PLD1: variants seen among roughly 807,000 people sequenced by gnomAD.
The protein encoded by PLD1 is choline phosphatase 1.
PLD1 carries 112 observed loss-of-function variants against 137.1 expected under a neutral mutation model. The ratio of observed to expected loss-of-function variants is 0.82; its 90% confidence interval spans 0.70 to 0.96. The LOEUF (loss-of-function observed/expected upper bound fraction) is 0.96. Ranked by LOEUF, PLD1 falls within the 40% of genes least tolerant of loss-of-function variation. The pLI, the probability that PLD1 is intolerant of heterozygous loss-of-function variation, is 0.00. For synonymous variants in PLD1, 431 were observed against 454.7 expected, an observed-to-expected ratio of 0.95 and a Z score of 0.66; for missense variants, 1,321 against 1,342.0, an observed-to-expected ratio of 0.98 and a Z score of 0.24.
At chr3:171,656,156 T>TTTTTTTTTTTATTTATTTATTTATTTA (rs1553810398) in intron 21 of PLD1, among the ~76,000 whole-genome samples, 95 of 145,428 alleles carry the variant, frequency 6.5e-4, no homozygotes, top group Non-Finnish European at 1.2e-3. Context: ...AATACTATAA[T>TTTTTTTTTTTATTTATTTATTTATTTA]TTTATTTATT....
At position 171,756,413 on chromosome 3, in the gene PLD1, A is replaced by G. The variant is rs779330389; in HGVS notation, c.-31-18331T>C. Among the ~76,000 whole-genome samples, 41 of 152,234 alleles carry G rather than the reference A, an allele frequency of 2.7e-4. 1 individual carries two copies. Among genetic ancestry groups the G allele is most frequent in the Non-Finnish European group, 1.5e-5 (1 of 68,044 alleles). ...CTCTATAAAGTTGCTACAGGGAACA[A>G]TGATTTCCAGATGAGTTTCAGCTGT... On this transcript the variant is annotated intron_variant, in intron 1 of 26. Transcript: ENST00000351298.
At chr3:171,674,996 A>AAAG (rs1553816281) in intron 18 of PLD1, among the ~76,000 whole-genome samples, 17 of 149,630 alleles carry the variant, frequency 1.1e-4, no homozygotes, top group African/African-American at 4.0e-4. Flanking sequence ...AAAAAAAAAA[A>AAAG]AAAGAAAAAG....
chr3:171,743,625 G>T (rs1018078450), intron 1 of PLD1, among the ~76,000 whole-genome samples: 1 of 152,136 alleles, frequency 6.6e-6, no homozygotes, highest in Admixed American at 6.5e-5. Flanking sequence ...GGCATCCTTT[G>T]CAACTTTGAT....
chr3:171,755,301 C>A (rs978346468), intron 1 of PLD1, among the ~76,000 whole-genome samples: 2 of 152,038 alleles, frequency 1.3e-5, no homozygotes, highest in African/African-American at 4.8e-5. Flanking sequence ...CTGCCACTGG[C>A]CTCCATTTGT....
At chr3:171,768,634 T>C (rs1722140413) in intron 1 of PLD1, among the ~76,000 whole-genome samples, 3 of 152,234 alleles carry the variant, frequency 2.0e-5, no homozygotes, top group Admixed American at 2.0e-4. Flanking sequence ...AGAGTCCTGA[T>C]CTTCTACTGC....
chr3:171,756,084 T>G (rs1721008177), intron 1 of PLD1, among the ~76,000 whole-genome samples: 1 of 152,170 alleles, frequency 6.6e-6, no homozygotes, highest in African/African-American at 2.4e-5. Context: ...ATCTGACCAC[T>G]GTATTTTAAC....
At chr3:171,736,350 A>T (rs1719358545) in intron 3 of PLD1, among the ~76,000 whole-genome samples, 1 of 152,222 alleles carries the variant, frequency 6.6e-6, no homozygotes, top group Non-Finnish European at 1.5e-5. Flanking sequence ...TAAGTCACTC[A>T]TTCAAGATCA....
At chr3:171,727,453 C>T (rs1246819831) in intron 6 of PLD1, among the ~76,000 whole-genome samples, 1 of 152,174 alleles carries the variant, frequency 6.6e-6, no homozygotes, top group East Asian at 1.9e-4. Context: ...ATCAACATTA[C>T]ATAATGTTTA....
intron 23 of PLD1, among the ~76,000 whole-genome samples, chr3:171,636,160 G>A (rs1735117455): frequency 6.6e-6 from 1 of 151,752 alleles, no homozygotes; most frequent in Non-Finnish European, 1.5e-5. Flanking sequence ...CTAACTTTAT[G>A]TCAGTAGCAC....
At chr3:171,620,047 T>G (rs1733457805) in intron 24 of PLD1, among the ~76,000 whole-genome samples, 1 of 152,248 alleles carries the variant, frequency 6.6e-6, no homozygotes, top group Non-Finnish European at 1.5e-5. Context: ...GTACCTCTGA[T>G]TCTTCACAGA....
chr3:171,668,945 C>T (rs1352796239), intron 19 of PLD1, among the ~76,000 whole-genome samples: 1 of 152,188 alleles, frequency 6.6e-6, no homozygotes, highest in South Asian at 2.1e-4. Flanking sequence ...CTCCCACTTC[C>T]TCCTGCTACC....
At chr3:171,752,756 G>A (rs1196522358) in intron 1 of PLD1, among the ~76,000 whole-genome samples, 2 of 152,228 alleles carry the variant, frequency 1.3e-5, no homozygotes, top group Non-Finnish European at 2.9e-5. Context: ...GTGTGTATGT[G>A]TCTTAGAAAG....
At chr3:171,697,463 C>T (rs990090060) in intron 12 of PLD1, among the ~76,000 whole-genome samples, 3 of 151,772 alleles carry the variant, frequency 2.0e-5, no homozygotes, top group Non-Finnish European at 4.4e-5. Flanking sequence ...TTTGATCAGA[C>T]CACCCCTGCT....
intron 8 of PLD1, among the ~76,000 whole-genome samples, chr3:171,722,929 G>C (rs576396941): frequency 6.6e-6 from 1 of 152,148 alleles, no homozygotes; most frequent in Admixed American, 6.5e-5. Context: ...TTTGATACAA[G>C]CATATAATGT....
chr3:171,762,455 C>T (rs1385248958), intron 1 of PLD1, among the ~76,000 whole-genome samples: 1 of 152,178 alleles, frequency 6.6e-6, no homozygotes, highest in African/African-American at 2.4e-5. Context: ...GGAACACAAG[C>T]TAAACAGAGC....
Position 171,659,312 on chromosome 3 carries a change from TAAAC to T in PLD1, c.2341-15_2341-12del, listed in dbSNP as rs1044178739. On this transcript the variant is annotated splice_polypyrimidine_tract_variant and intron_variant, in intron 20 of 26. Transcript: ENST00000351298. ...TATGAAAAACTGGTTCTATGAGAAA[TAAAC>T]AAGACAATCATGTTAGTCTTTATTT... 4.5e-6 allele frequency: 7 copies of T among 1,547,380 alleles called. No individual in the cohort carries two copies. The African/African-American group carries it at 5.4e-5, about 12-fold the overall frequency.
chr3:171,703,423 C>T (rs1716411045), intron 11 of PLD1, among the ~76,000 whole-genome samples: 1 of 152,172 alleles, frequency 6.6e-6, no homozygotes, highest in Non-Finnish European at 1.5e-5. Context: ...ACATAATCAT[C>T]TATAGGACAA....
chr3:171,796,363 G>A (rs1723438093), intron 1 of PLD1, among the ~76,000 whole-genome samples: 1 of 152,214 alleles, frequency 6.6e-6, no homozygotes, highest in African/African-American at 2.4e-5. Context: ...GATATTCATA[G>A]TTTATAAAAT....
At chr3:171,729,441 T>C (rs372441635) in intron 6 of PLD1, among the ~76,000 whole-genome samples, 90 of 152,312 alleles carry the variant, frequency 5.9e-4, no homozygotes, top group African/African-American at 2.1e-3. Flanking sequence ...TGAAAATTAC[T>C]TGGCAATCAC....
Sources: allele counts gnomAD v4.1 joint callset (sites outside exome capture counted in the v4.1 genomes callset), GRCh38; gene constraint gnomAD v4.1.1; transcripts MANE v1.5; gene names NCBI Gene and HGNC (gene_info 2026-07-23, HGNC 2026-07-21).